The following NEB variants were observed in gnomAD, a reference collection of about 807,000 sequenced individuals.
NEB encodes nebulin.
In NEB, 512 loss-of-function variants were observed where a neutral mutation model predicts 952.2. The ratio of observed to expected loss-of-function variants is 0.54; its 90% CI spans 0.50 to 0.58. NEB has a LOEUF of 0.58. NEB is among the 20% of genes least tolerant of loss of function. The pLI is 0.00. For synonymous variants in NEB, 2,900 were observed against 3,149.8 expected, an observed-to-expected ratio of 0.92 and a Z score of 2.66; for missense variants, 8,428 against 9,231.1, an observed-to-expected ratio of 0.91 and a Z score of 3.56.
chr2:151,604,080 T>G (rs1322593951), intron 85 of NEB, among the ~76,000 whole-genome samples: 1 of 123,972 alleles, frequency 8.1e-6, no homozygotes, highest in East Asian at 2.0e-4. Flanking sequence ...CTGCCTTTTA[T>G]GTACCACTGG....
chr2:151,494,092 T>A (rs2058543781), intron 174 of NEB, 69 bp downstream of exon 174: 1 of 1,313,964 alleles, frequency 7.6e-7, no homozygotes. Context: ...TGGGACAGGG[T>A]TAGGAGCAGG....
intron 54 of NEB, 93 bp downstream of exon 54, chr2:151,650,083 C>T: frequency 8.5e-7 from 1 of 1,180,524 alleles, no homozygotes; most frequent in South Asian, 1.3e-5. Flanking sequence ...TGAGGCAATG[C>T]TTTGTGGTTC....
In NEB at chr2:151,640,484, C is replaced by T. The variant is rs368155040; in HGVS notation, c.8556G>A (p.Val2852=). 86 of 1,613,786 alleles carry T rather than the reference C, an allele frequency of 5.3e-5. No individual in the cohort carries two copies. Among genetic ancestry groups the T allele is most frequent in the Non-Finnish European group, 6.9e-5 (81 of 1,179,870 alleles). The change falls in exon 61 of 182, where the codon GTG becomes GTA. Residue 2852 remains valine, a synonymous_variant. Coordinates refer to ENST00000397345, the MANE Select transcript of NEB (RefSeq NM_001164508.2). The part of the protein sequence containing the change: ...KFSSPVDMLG[V]VLAKKCQTLV... ...AGGTCTGGCACTTCTTGGCCAGCACCACCCCCAGCATGTCCACTGGGCTGC... is the reference window on the plus strand; with the variant it reads ...AGGTCTGGCACTTCTTGGCCAGCACTACCCCCAGCATGTCCACTGGGCTGC...
chr2:151,716,536 G>A (rs1416705566), intron 10 of NEB, among the ~76,000 whole-genome samples: 1 of 152,004 alleles, frequency 6.6e-6, no homozygotes, highest in Non-Finnish European at 1.5e-5. Flanking sequence ...ATTCCTATTG[G>A]TGAAATTTTA....
At chr2:151,498,021 T>G (rs1357275571) in intron 170 of NEB, 11 of 1,439,732 alleles carry the variant, frequency 7.6e-6, no homozygotes, top group Middle Eastern at 3.6e-4. Flanking sequence ...GAACTCGGTG[T>G]TGTTATCCAC....
rs780987982 is a variant in NEB, at chr2:151,627,851, C to A, written c.9832-17G>T. ...GTATTTGTACTGAAATAAAGGTGGTCATTTCAAAAATAAAAATGAATAGAA... is the reference window on the plus strand; with the variant it reads ...GTATTTGTACTGAAATAAAGGTGGTAATTTCAAAAATAAAAATGAATAGAA... On this transcript the variant is annotated splice_polypyrimidine_tract_variant and intron_variant, in intron 68 of 181. Transcript: ENST00000397345. 9 of 1,599,072 alleles carry A rather than the reference C, an allele frequency of 5.6e-6. No homozygotes were observed. The South Asian group carries it at 1.0e-4, about 18-fold the overall frequency.
intron 5 of NEB, among the ~76,000 whole-genome samples, chr2:151,726,606 A>G (rs944792181): frequency 1.3e-5 from 2 of 152,326 alleles, no homozygotes; most frequent in Middle Eastern, 6.8e-3. Context: ...AATGTGTCTG[A>G]ATCTGTCTGA....
In NEB at chr2:151,501,284, A is replaced by AAAG. The variant is rs1432914082; in HGVS notation, c.24021+104_24021+106dup. On this transcript the variant is annotated intron_variant, in intron 168 of 181. Coordinates refer to ENST00000397345, the MANE Select transcript of NEB (RefSeq NM_001164508.2). ...AAGGATTCAGTTGATGTGATTAAAA[A>AAAG]AAGATTTTGTTAAATTGATTATTAT... 1.1e-5 allele frequency: 8 copies of AAAG among 754,388 alleles called. No individual in the cohort carries two copies. The East Asian group carries it at 1.4e-4, about 13-fold the overall frequency. The allele number at this position is 754,388 out of a possible 1,614,324, so 46.7% of individuals were successfully genotyped here.
At position 151,672,489 on chromosome 2, in the gene NEB, T is replaced by C; in HGVS notation, c.4179A>G (p.Ala1393=). The C allele has an allele frequency of 6.2e-7, 1 of 1,614,028 alleles. No homozygotes were observed. Among genetic ancestry groups the C allele is most frequent in the Non-Finnish European group, 8.5e-7 (1 of 1,179,886 alleles). ...TPGDMVSITA[A]KMAQDVATNV... ...TGGTAGCGACATCCTGGGCCATCTT[T>C]GCAGCTGTGATGCTAACCATGTCCC... The change falls in exon 37 of 182, where the codon GCA becomes GCG. Residue 1393 remains alanine (A), a synonymous_variant. Coordinates refer to ENST00000397345, the MANE Select transcript of NEB (RefSeq NM_001164508.2).
chr2:151,666,803 C>G (rs957384501), intron 40 of NEB, among the ~76,000 whole-genome samples: 2 of 151,792 alleles, frequency 1.3e-5, no homozygotes, highest in African/African-American at 2.4e-5. Flanking sequence ...CCTCTGGGGC[C>G]CTCCCTCCTC....
rs755791156 is a variant in NEB, at chr2:151,663,745, G to A, written c.5566C>T (p.Arg1856Trp). 12 of 1,613,612 alleles carry A rather than the reference G, an allele frequency of 7.4e-6. No homozygotes were observed. Among genetic ancestry groups the A allele is most frequent in the Middle Eastern group, 1.6e-4 (1 of 6,082 alleles). The change falls in exon 45 of 182, where the codon CGG becomes TGG. Residue 1856 changes from arginine to tryptophan, a missense_variant. Around this residue, in one of 11 missense-constraint regions of NEB, gnomAD observed 2,851 missense variants for 2,791.5 expected, o/e 1.02. Transcript: ENST00000397345. ...TTCTCATATCCCTTCTTGTATTCCC[G>A]GTCTGACTGCATCTTGGCCACTTGC... ...FMQVAKMQSD[R>W]EYKKGYEKSK... is the part of the protein sequence containing the mutation.
At chr2:151,700,350 CT>C (rs1201769886) in intron 13 of NEB, among the ~76,000 whole-genome samples, 1 of 73,542 alleles carries the variant, frequency 1.4e-5, no homozygotes, top group Admixed American at 1.6e-4. Context: ...GATGCGGGCT[CT>C]TTTTTGGTTC....
chr2:151,494,426 G>GAC (rs752983457), intron 173 of NEB, among the ~76,000 whole-genome samples, 173 bp from the exon 174 acceptor site: 7 of 152,118 alleles, frequency 4.6e-5, no homozygotes, highest in Non-Finnish European at 8.8e-5. Flanking sequence ...GTTACAGCAA[G>GAC]ACACAACCAG....
chr2:151,544,744 TTTCAGGGCA>T (rs1348109081), intron 135 of NEB, among the ~76,000 whole-genome samples: 1 of 152,200 alleles, frequency 6.6e-6, no homozygotes, highest in African/African-American at 2.4e-5. Flanking sequence ...ACATTTGGTA[TTTCAGGGCA>T]TCGCTAAGAG....
rs772858357 is a variant in NEB at position 151,493,441 on chromosome 2, A to G, written c.24677T>C (p.Leu8226Ser). The change falls in exon 176 of 182, where the codon TTG (leucine) becomes TCG (serine). Residue 8226 changes from leucine (L) to serine (S), a missense_variant. By Grantham distance (145) the Leu-to-Ser change is moderately radical (BLOSUM62 -2). Around this residue, in one of 11 missense-constraint regions of NEB, gnomAD observed 3,374 missense variants for 3,651.5 expected, o/e 0.92. Coordinates refer to ENST00000397345, the MANE Select transcript of NEB (RefSeq NM_001164508.2). ...KRNQENFSSV[L>S]YKENMRKATP... is the part of the protein sequence containing the mutation. ...TGCTTTTCTCATGTTCTCTTTGTAC[A>G]ATACCTAGGGAAGCCAAAAGAGCAT... The G allele has an allele frequency of 3.1e-6, 5 of 1,591,336 alleles. No homozygotes were observed. The highest frequency in any genetic ancestry group is 1.4e-5 in the African/African-American group (1 of 73,842).
Position 151,679,760 on chromosome 2 carries a change from G to A in NEB, c.3216C>T (p.Pro1072=). Residue 1072 remains proline, a synonymous_variant, in exon 32 of 182, where the codon CCC becomes CCT. Transcript: ENST00000397345. ...GCCTGGCAGCTTTGGCAGCTCTGAT[G>A]GGAATCGCATCAGTTCTCAGGTCAT... is the stretch of plus-strand genomic sequence containing the variant. ...KGYDLRTDAI[P]IRAAKAARQA... 6.3e-7 allele frequency: 1 copy of A among 1,590,574 alleles called. No individual in the cohort carries two copies. Among genetic ancestry groups the A allele is most frequent in the Non-Finnish European group, 8.6e-7 (1 of 1,165,100 alleles).
At chr2:151,706,271 A>G (rs1411849501) in intron 13 of NEB, among the ~76,000 whole-genome samples, 1 of 152,188 alleles carries the variant, frequency 6.6e-6, no homozygotes, top group African/African-American at 2.4e-5. Context: ...CATAAAATCC[A>G]CAAATGCTAG....
At chr2:151,626,699 G>A (rs2154056601) in intron 70 of NEB, among the ~76,000 whole-genome samples, 1 of 152,166 alleles carries the variant, frequency 6.6e-6, no homozygotes, top group Admixed American at 6.5e-5. Context: ...ACCATGCCCG[G>A]CTAATTTTTT....
intron 62 of NEB, 87 bp from the exon 63 acceptor site, chr2:151,639,471 AAAAAG>A: frequency 1.0e-6 from 1 of 1,000,012 alleles, no homozygotes; most frequent in Non-Finnish European, 1.4e-6. Context: ...CTTTATAAAA[AAAAAG>A]AAAAGGTTAT....
Sources: allele counts gnomAD v4.1 joint callset (sites outside exome capture counted in the v4.1 genomes callset), GRCh38; gene constraint gnomAD v4.1.1; regional missense constraint gnomAD v4.1.1; transcripts MANE v1.5; gene names NCBI Gene and HGNC (gene_info 2026-07-23, HGNC 2026-07-21).